PCDHA8: variants seen among roughly 807,000 people sequenced by gnomAD.
PCDHA8 encodes protocadherin alpha 8.
A neutral mutation model predicts 61.8 loss-of-function variants in PCDHA8; 53 were observed. The observed-to-expected ratio is 0.86, with a 90% CI of 0.69 to 1.08. The LOEUF (loss-of-function observed/expected upper bound fraction) is 1.08, where lower values mean the gene tolerates loss of function less well. Ranked by LOEUF, PCDHA8 falls within the 50% of genes least tolerant of loss-of-function variation. PCDHA8 has a pLI of 0.00. For synonymous variants in PCDHA8, 618 were observed against 556.6 expected, an observed-to-expected ratio of 1.11 and a Z score of -1.55; for missense variants, 1,293 against 1,245.0, an observed-to-expected ratio of 1.04 and a Z score of -0.58.
At chr5:140,846,207 T>C (rs1310866622) in intron 1 of PCDHA8, among the ~76,000 whole-genome samples, 2 of 149,584 alleles carry the variant, frequency 1.3e-5, no homozygotes, top group Non-Finnish European at 3.0e-5. Context: ...GTATGAGATC[T>C]TTCCATTAAT....
intron 3 of PCDHA8, among the ~76,000 whole-genome samples, chr5:140,991,912 A>G (rs1022060256): frequency 1.3e-5 from 2 of 152,150 alleles, no homozygotes; most frequent in Non-Finnish European, 2.9e-5. Context: ...CCCTTTTGCC[A>G]TGTAACATAA....
chr5:140,870,195 C>T, intron 1 of PCDHA8: 1 of 1,614,178 alleles, frequency 6.2e-7, no homozygotes, highest in Non-Finnish European at 8.5e-7. Flanking sequence ...ACGCTCAGCC[C>T]AGCACGGTCA....
At chr5:140,925,141 A>G (rs1287522151) in intron 1 of PCDHA8, among the ~76,000 whole-genome samples, 1 of 151,690 alleles carries the variant, frequency 6.6e-6, no homozygotes, top group Non-Finnish European at 1.5e-5. Context: ...TTTCAAACAT[A>G]CACAAAAGTT....
chr5:140,932,824 G>A (rs1484280278), intron 1 of PCDHA8, among the ~76,000 whole-genome samples: 4 of 151,902 alleles, frequency 2.6e-5, no homozygotes, highest in Admixed American at 6.6e-5. Context: ...AAGTGGGAAA[G>A]TATTGACAAT....
chr5:140,922,176 CA>C (rs3836750), intron 1 of PCDHA8, among the ~76,000 whole-genome samples: 49,174 of 150,706 alleles, frequency 0.33, 8,259 homozygotes, highest in East Asian at 0.53. Context: ...GTACAGCAGA[CA>C]AAAAAAAAGT....
chr5:140,956,315 A>G (rs246013), intron 1 of PCDHA8, among the ~76,000 whole-genome samples: 85,586 of 151,908 alleles, frequency 0.56, 24,725 homozygotes, highest in African/African-American at 0.69. Flanking sequence ...TTATTTTGAG[A>G]TATGTTCCTT....
At chr5:140,864,105 T>C (rs1413292385) in intron 1 of PCDHA8, 1 of 152,314 alleles carries the variant, frequency 6.6e-6, no homozygotes, top group Non-Finnish European at 1.5e-5. Flanking sequence ...ATAATGATAA[T>C]AGTAATAATG....
Position 140,856,045 on chromosome 5 carries a change from T to C in PCDHA8, c.2394+12330T>C, listed in dbSNP as rs1554148107. 3 of 1,581,954 alleles carry C rather than the reference T, an allele frequency of 1.9e-6. 1 individual carries two copies. In the African/African-American group the frequency reaches 4.1e-5, roughly 21 times the overall value. ...GTCGATTTGTAAAACAAGAGAAGGATAAGATGGTTTCCAGATGTAGCTGCC... is the reference window on the plus strand; with the variant it reads ...GTCGATTTGTAAAACAAGAGAAGGACAAGATGGTTTCCAGATGTAGCTGCC... On this transcript the variant is annotated intron_variant, in intron 1 of 3. Coordinates refer to ENST00000531613, the MANE Select transcript of PCDHA8 (RefSeq NM_018911.3).
At chr5:140,993,407 C>T (rs2097554546) in intron 3 of PCDHA8, among the ~76,000 whole-genome samples, 1 of 151,550 alleles carries the variant, frequency 6.6e-6, no homozygotes, top group African/African-American at 2.4e-5. Context: ...TAACCACCTT[C>T]ATCAGCATTT....
chr5:140,988,332 A>G (rs2097293198), intron 3 of PCDHA8, among the ~76,000 whole-genome samples: 1 of 152,230 alleles, frequency 6.6e-6, no homozygotes, highest in Non-Finnish European at 1.5e-5. Context: ...ACCCGAGGAA[A>G]GTAAGTCCTT....
Position 141,010,440 on chromosome 5 carries a change from A to G in PCDHA8, c.*503A>G, listed in dbSNP as rs1279403327. 3 of 984,540 alleles carry G rather than the reference A, an allele frequency of 3.0e-6. No individual in the cohort carries two copies. Among genetic ancestry groups the G allele is most frequent in the Admixed American group, 5.9e-5 (2 of 34,150 alleles). The allele number at this position is 984,540 out of a possible 1,614,324, so 61.0% of individuals were successfully genotyped here. On this transcript the variant is annotated 3_prime_UTR_variant, in exon 4 of 4. Transcript: ENST00000531613. The stretch of plus-strand genomic sequence containing the variant: ...CAAGGAAGGCAAGAAAACAAAGACA[A>G]ATAAACAGCGGAAGTTATCAGTATG...
chr5:140,926,921 G>A (rs1554203799), intron 1 of PCDHA8: 3 of 1,571,110 alleles, frequency 1.9e-6, no homozygotes, highest in African/African-American at 2.7e-5. Flanking sequence ...GCAGTTTTAT[G>A]TTTGTGGGTT....
intron 1 of PCDHA8, among the ~76,000 whole-genome samples, chr5:140,957,549 C>T (rs563057107): frequency 6.6e-6 from 1 of 152,038 alleles, no homozygotes; most frequent in South Asian, 2.1e-4. Flanking sequence ...AAAGTATTCT[C>T]TGTGGAAAAG....
At chr5:140,917,699 A>G (rs980073163) in intron 1 of PCDHA8, among the ~76,000 whole-genome samples, 1 of 152,058 alleles carries the variant, frequency 6.6e-6, no homozygotes, top group Non-Finnish European at 1.5e-5. Flanking sequence ...AGATCAGATA[A>G]TTGTAGGTGT....
At position 140,882,318 on chromosome 5, in the gene PCDHA8, G is replaced by A. The variant is rs534213144; in HGVS notation, c.2394+38603G>A. On this transcript the variant is annotated intron_variant, in intron 1 of 3. Transcript: ENST00000531613. ...CCAAGACCGCGGCAACTACTGCTCT[G>A]GCTTCTGATCCTCGCAGCCTGGGAG... 5 of 1,614,128 alleles carry A rather than the reference G, an allele frequency of 3.1e-6. No individual in the cohort carries two copies. In the African/African-American group the frequency reaches 6.7e-5, roughly 22 times the overall value.
intron 1 of PCDHA8, among the ~76,000 whole-genome samples, chr5:140,886,642 A>T (rs1412113366): frequency 6.6e-6 from 1 of 152,048 alleles, no homozygotes; most frequent in African/African-American, 2.4e-5. Flanking sequence ...CCTGGCCAAC[A>T]TGGTGAAACC....
At chr5:140,902,615 G>A in intron 1 of PCDHA8, among the ~76,000 whole-genome samples, 1 of 152,010 alleles carries the variant, frequency 6.6e-6, no homozygotes, top group East Asian at 1.9e-4. Context: ...AGTTACATGG[G>A]TAAGTTATTT....
intron 1 of PCDHA8, chr5:140,851,727 T>C (rs1216544821): frequency 1.0e-6 from 1 of 969,522 alleles, no homozygotes; most frequent in Non-Finnish European, 1.2e-6. Flanking sequence ...AACTTCGAGT[T>C]CTTTTGAAAT....
intron 3 of PCDHA8, among the ~76,000 whole-genome samples, chr5:141,001,524 C>T (rs952372807): frequency 6.6e-6 from 1 of 152,202 alleles, no homozygotes; most frequent in Non-Finnish European, 1.5e-5. Context: ...CTCCCTCTCT[C>T]TCTGATCCTG....
Sources: gnomAD v4.1 joint callset for allele counts (sites outside exome capture counted in the v4.1 genomes callset) on GRCh38, gnomAD v4.1.1 for gene constraint, MANE v1.5 for transcripts, NCBI Gene and HGNC (gene_info 2026-07-23, HGNC 2026-07-21) for gene names.